Variants in VPS52 observed in about 807,000 individuals in gnomAD.
VPS52 encodes the protein vacuolar protein sorting-associated protein 52 homolog.
Under a neutral mutation model 98.7 loss-of-function variants are expected in VPS52, and 56 were observed. The ratio of observed to expected loss-of-function variants is 0.57; its 90% CI spans 0.46 to 0.71. The LOEUF (loss-of-function observed/expected upper bound fraction) is 0.71, where lower values mean the gene tolerates loss of function less well. Among genes scored for constraint, VPS52 ranks in the 30% least tolerant of loss-of-function variants. The pLI is 0.00. For missense variants in VPS52, 742 were observed against 925.9 expected (o/e 0.80, Z 2.58); for synonymous variants, 348 against 346.4 (o/e 1.00, Z -0.05).
intron 5 of VPS52, 49 bp downstream of exon 5, chr6:33,269,441 T>G: frequency 1.9e-6 from 3 of 1,605,578 alleles, no homozygotes; most frequent in Non-Finnish European, 2.6e-6. Flanking sequence ...CCAGAGTCCA[T>G]GATCTGGTTC....
intron 17 of VPS52, among the ~76,000 whole-genome samples, chr6:33,252,808 A>T (rs1762461066): frequency 6.6e-6 from 1 of 152,166 alleles, no homozygotes; most frequent in African/African-American, 2.4e-5. Context: ...ATAGTAGGAG[A>T]TACAGAAATC....
At position 33,269,109 on chromosome 6, in the gene VPS52, T is replaced by G; in HGVS notation, c.453A>C (p.Ser151=). 6.2e-7 allele frequency: 1 copy of G among 1,613,050 alleles called. No homozygotes were observed. The change falls in exon 6 of 20, where the codon TCA becomes TCC. Residue 151 remains serine (S), a synonymous_variant. Transcript: ENST00000445902. ...TTCGAAGTCGAATGTTCATGGCTCCTGACTGTTCCTGCAGTGTCCGGATCT... is the reference window on the plus strand; with the variant it reads ...TTCGAAGTCGAATGTTCATGGCTCCGGACTGTTCCTGCAGTGTCCGGATCT... ...SSEIRTLQEQ[S]GAMNIRLRNR... is the part of the protein sequence containing the mutation.
rs1764413206 is a variant in VPS52, at chr6:33,267,046, G to C, written c.1125+142C>G. The C allele has an allele frequency of 1.7e-6, 2 of 1,200,808 alleles. No homozygotes were observed. The highest frequency in any genetic ancestry group is 2.2e-6 in the Non-Finnish European group (2 of 891,384). The allele number at this position is 1,200,808 out of a possible 1,614,324, so 74.4% of individuals were successfully genotyped here. A position where few individuals can be genotyped will look rare whatever the true frequency, so the allele number is the denominator to read the frequency against. ...GCTCTTTTCACATCACAGCAGGCTG[G>C]AGTGATTGGAGAAGGCCACTCCCAA... On this transcript the variant is annotated intron_variant, in intron 11 of 19. Transcript: ENST00000445902. The surrounding 1 kb of genome is among the most constrained non-coding windows in gnomAD (Gnocchi z 4.2).
chr6:33,269,945 T>C, intron 3 of VPS52, 54 bp downstream of exon 3: 2 of 1,612,348 alleles, frequency 1.2e-6, no homozygotes, highest in Non-Finnish European at 1.7e-6. Context: ...CTGTTGTTTT[T>C]CCTTTTGGGG....
chr6:33,271,965 T>C, upstream of VPS52: 3 of 1,096,402 alleles, frequency 2.7e-6, no homozygotes, highest in Non-Finnish European at 4.0e-6. Flanking sequence ...CAAGCCATAC[T>C]CTCATAAATC....
At position 33,269,738 on chromosome 6, in the gene VPS52, G is replaced by A; in HGVS notation, c.304+6C>T. 6.2e-7 allele frequency: 1 copy of A among 1,613,346 alleles called. No homozygotes were observed. The highest frequency in any genetic ancestry group is 8.5e-7 in the Non-Finnish European group (1 of 1,179,682). ...AGCACCACCCCTTCCCTCTGCTGGA[G>A]GATACAATCCCGAATGGATTTCTGT... is the stretch of plus-strand genomic sequence containing the variant. On this transcript the variant is annotated splice_donor_region_variant and intron_variant, in intron 4 of 19. Coordinates refer to ENST00000445902, the MANE Select transcript of VPS52 (RefSeq NM_022553.6).
chr6:33,270,332 G>A (rs1015476061), intron 1 of VPS52, 49 bp from the exon 2 acceptor site: 5 of 1,533,694 alleles, frequency 3.3e-6, no homozygotes, highest in Admixed American at 1.9e-5. Flanking sequence ...AAGACAGAAA[G>A]AAAAAATATA....
chr6:33,251,957 C>T lies in VPS52; in HGVS notation c.1809G>A (p.Glu603=). The T allele has an allele frequency of 1.2e-6, 2 of 1,613,164 alleles. No homozygotes were observed. The highest frequency in any genetic ancestry group is 1.7e-6 in the Non-Finnish European group (2 of 1,180,022). ...LNARTQEFIE[E]LLSPPFGGLV... ...AACCCCCAAAAGGGGGAGACAGCAA[C>T]TCTTCAATGAATTCCTGGAAAGACA... Residue 603 remains glutamate, a synonymous_variant, in exon 18 of 20, where the codon GAG becomes GAA. Transcript: ENST00000445902.
At position 33,251,589 on chromosome 6, in the gene VPS52, A is replaced by AT. The variant is rs1346373243; in HGVS notation, c.1953dup (p.Ser652IlefsTer54). 3.7e-6 allele frequency: 6 copies of AT among 1,614,086 alleles called. No homozygotes were observed. Among genetic ancestry groups the AT allele is most frequent in the Non-Finnish European group, 5.1e-6 (6 of 1,179,998 alleles). ...ACATCCTGACTCAGAGATTCCACTG[A>AT]TGATTTCCAGGAACTACCAAAGCCA... On this transcript the variant is annotated frameshift_variant, in exon 19 of 20. Coordinates refer to ENST00000445902, the MANE Select transcript of VPS52 (RefSeq NM_022553.6). LOFTEE classifies it high-confidence loss of function.
intron 5 of VPS52, 60 bp from the exon 6 acceptor site, chr6:33,269,249 C>T: frequency 6.3e-7 from 1 of 1,595,688 alleles, no homozygotes; most frequent in South Asian, 1.1e-5. Flanking sequence ...AAGTGGGCCA[C>T]CAAAGACTCT....
chr6:33,265,045 C>G, intron 12 of VPS52, 145 bp from the exon 13 acceptor site: 1 of 767,028 alleles, frequency 1.3e-6, no homozygotes, highest in Non-Finnish European at 2.3e-6. Flanking sequence ...CTGCCCCCTG[C>G]TTTCCTGTCC....
In VPS52 at chr6:33,264,780, A is replaced by T; in HGVS notation, c.1400+2T>A. 6.2e-7 allele frequency: 1 copy of T among 1,612,644 alleles called. No individual in the cohort carries two copies. Among genetic ancestry groups the T allele is most frequent in the African/African-American group, 1.3e-5 (1 of 75,036 alleles). On this transcript the variant is annotated splice_donor_variant, in intron 13 of 19. Coordinates refer to ENST00000445902, the MANE Select transcript of VPS52 (RefSeq NM_022553.6). LOFTEE classifies it high-confidence loss of function. Reference sequence around the variant, plus strand: ...GGGCATCAAGGACCAGAATTCAGTGACCTGTCCAGGGCAGGAACATCCCTC... The same window carrying T: ...GGGCATCAAGGACCAGAATTCAGTGTCCTGTCCAGGGCAGGAACATCCCTC...
Position 33,268,116 on chromosome 6 carries a change from C to T in VPS52, c.792G>A (p.Leu264=). The change falls in exon 8 of 20, where the codon CTG becomes CTA. Residue 264 remains leucine (L), a synonymous_variant. Transcript: ENST00000445902. This position sits in a 1 kb window ranked among gnomAD's most constrained non-coding sequence, Gnocchi z 4.0. The part of the protein sequence containing the change: ...TNYQIPQTAL[L]KYRFFYQFLL... ...TTCCTTGGGGTTGTGACCTGTACTT[C>T]AGCAGGGCCGTCTGGGGGATCTGAT... 6 of 1,613,104 alleles carry T rather than the reference C, an allele frequency of 3.7e-6. No individual in the cohort carries two copies. The highest frequency in any genetic ancestry group is 5.1e-6 in the Non-Finnish European group (6 of 1,180,044).
At position 33,269,773 on chromosome 6, in the gene VPS52, T is replaced by C; in HGVS notation, c.275A>G (p.Gln92Arg). 3 of 1,613,714 alleles carry C rather than the reference T, an allele frequency of 1.9e-6. No homozygotes were observed. The highest frequency in any genetic ancestry group is 2.5e-6 in the Non-Finnish European group (3 of 1,179,964). ...CCGAATGGATTTCTGTTCAATCTGC[T>C]GTAGCTCCAGCTCAACTTGCTTTGA... is the stretch of plus-strand genomic sequence containing the variant. ...HYSKQVELEL[Q>R]QIEQKSIRDY... The change falls in exon 4 of 20, where the codon CAG becomes CGG. Residue 92 changes from glutamine (Q) to arginine (R), a missense_variant. Transcript: ENST00000445902.
chr6:33,255,134 A>T (rs368717850), intron 17 of VPS52: 2 of 152,316 alleles, frequency 1.3e-5, no homozygotes, highest in Admixed American at 6.5e-5. Context: ...TTCCTATAGG[A>T]GTACTGGTCT....
intron 17 of VPS52, 70 bp downstream of exon 17, chr6:33,263,414 C>CACACACACACACAGAG (rs142124369): frequency 1.3e-3 from 1,267 of 972,900 alleles, no homozygotes; most frequent in African/African-American, 6.2e-3. Flanking sequence ...CACACACACA[C>CACACACACACACAGAG]AGAGAGAGAG....
At chr6:33,264,248 C>T (rs460568) in intron 14 of VPS52, 126 bp downstream of exon 14, 276,310 of 1,553,802 alleles carry the variant, frequency 0.18, 26,666 homozygotes, top group African/African-American at 0.31. Context: ...CCATGAGTTT[C>T]ACCACCCTCC....
rs1283456787 is a variant in VPS52 at position 33,251,634 on chromosome 6, G to A, written c.1909C>T (p.Arg637Trp). 11 of 1,610,570 alleles carry A rather than the reference G, an allele frequency of 6.8e-6. No individual in the cohort carries two copies. The highest frequency in any genetic ancestry group is 2.2e-5 in the East Asian group (1 of 44,860). ...AAGCCACGGATCAGCTGAGTTACCC[G>A]GGCTAATAGCAGGAGGAAACAGTGT... ...QAERLRGEEA[R>W]VTQLIRGFGS... is the part of the protein sequence containing the mutation. Residue 637 changes from arginine (R) to tryptophan (W), a missense_variant and splice_region_variant, in exon 19 of 20, where the codon CGG (arginine) becomes TGG (tryptophan). Transcript: ENST00000445902.
intron 17 of VPS52, among the ~76,000 whole-genome samples, chr6:33,257,565 A>AT (rs779546470): frequency 6.6e-6 from 1 of 151,618 alleles, no homozygotes; most frequent in African/African-American, 2.4e-5. Flanking sequence ...CGCCCAGCTA[A>AT]TTTTTTTGTA....
Sources: gnomAD v4.1 joint callset for allele counts (sites outside exome capture counted in the v4.1 genomes callset) on GRCh38, gnomAD v4.1.1 for gene constraint, Gnocchi (gnomAD v3.1) non-coding constraint, MANE v1.5 for transcripts, NCBI Gene and HGNC (gene_info 2026-07-23, HGNC 2026-07-21) for gene names.